The following FCF1 variants were observed in gnomAD, a reference collection of about 807,000 sequenced individuals.
FCF1 encodes the protein FCF1 rRNA-processing protein.
In FCF1, 17 loss-of-function variants were observed where a neutral mutation model predicts 32.5. That is an observed-to-expected ratio of 0.52 (90% CI 0.36 to 0.78). The LOEUF is 0.78. Ranked by LOEUF, FCF1 falls within the 30% of genes least tolerant of loss-of-function variation. The probability of loss-of-function intolerance (pLI) is 0.00; values close to 1 mark genes in which losing one functional copy is unlikely to be tolerated. For synonymous variants in FCF1, 84 were observed against 78.4 expected (o/e 1.07, Z -0.38); for missense variants, 201 against 241.1 (o/e 0.83, Z 1.10).
rs1594794446 is a variant in FCF1 at position 74,735,123 on chromosome 14, C to T, written c.*193C>T. On this transcript the variant is annotated 3_prime_UTR_variant, in exon 8 of 8. Coordinates refer to ENST00000341162, the MANE Select transcript of FCF1 (RefSeq NM_015962.5). ...CTGAACCCTGAACAGAGTTAAGTTA[C>T]CTTTTAAGCATTTTGTGGGGCCGCG... The T allele has an allele frequency of 6.0e-6, 3 of 501,564 alleles. No homozygotes were observed. In the East Asian group the frequency reaches 1.0e-4, roughly 17 times the overall value. 31.1% of individuals were successfully genotyped at this position (501,564 alleles called of 1,614,324 possible).
chr14:74,717,936 G>T (rs542629097), intron 4 of FCF1, among the ~76,000 whole-genome samples: 1 of 152,074 alleles, frequency 6.6e-6, no homozygotes, highest in Non-Finnish European at 1.5e-5. Context: ...GTGCGTTGGC[G>T]TGATCTCAGC....
At chr14:74,734,615 G>A (rs2090682146) in intron 7 of FCF1, among the ~76,000 whole-genome samples, 1 of 152,118 alleles carries the variant, frequency 6.6e-6, no homozygotes, top group Admixed American at 6.5e-5. Context: ...CAATGTGGTG[G>A]GAAGTCTGTG....
At chr14:74,734,743 A>G (rs2090684249) in intron 7 of FCF1, 139 bp from the exon 8 acceptor site, 1 of 696,274 alleles carries the variant, frequency 1.4e-6, no homozygotes, top group South Asian at 1.7e-5. Context: ...ATCATTCATT[A>G]TGATGTTCCC....
Position 74,714,959 on chromosome 14 carries a change from T to C in FCF1, c.143+16T>C, listed in dbSNP as rs371163318. ...AAAGAGAAGTGTGAGTAATCAAACGTTTGAAGTTTTCCTTTAAAACCATAG... is the reference window on the plus strand; with the variant it reads ...AAAGAGAAGTGTGAGTAATCAAACGCTTGAAGTTTTCCTTTAAAACCATAG... On this transcript the variant is annotated intron_variant, in intron 3 of 7. Coordinates refer to ENST00000341162, the MANE Select transcript of FCF1 (RefSeq NM_015962.5). The C allele has an allele frequency of 6.3e-7, 1 of 1,575,970 alleles. No homozygotes were observed. Among genetic ancestry groups the C allele is most frequent in the Non-Finnish European group, 8.6e-7 (1 of 1,167,556 alleles).
rs2090655517 is a variant in FCF1, at chr14:74,732,732, A to G, written c.367A>G (p.Ile123Val). The change falls in exon 6 of 8, where the codon ATT (isoleucine) becomes GTT (valine). Residue 123 changes from isoleucine to valine, a missense_variant and splice_region_variant. By Grantham distance (29) the Ile-to-Val change is conservative (BLOSUM62 3). Around this residue, in one of 3 missense-constraint regions of FCF1, gnomAD observed 121 missense variants for 147.8 expected, o/e 0.82. Coordinates refer to ENST00000341162, the MANE Select transcript of FCF1 (RefSeq NM_015962.5). The part of the protein sequence containing the change: ...LGQKYRVALR[I>V]AKDPRFERLP... The stretch of plus-strand genomic sequence containing the variant: ...ATGTTTTCTTTAATCCACCTACAGG[A>G]TTGCCAAGGATCCAAGATTTGAACG... 1 of 1,608,432 alleles carries G rather than the reference A, an allele frequency of 6.2e-7. No homozygotes were observed. The highest frequency in any genetic ancestry group is 8.5e-7 in the Non-Finnish European group (1 of 1,175,848).
In FCF1 at chr14:74,719,061, C is replaced by G. The variant is rs573938371; in HGVS notation, c.292+2962C>G. Among the ~76,000 whole-genome samples the G allele has an allele frequency of 2.1e-5, 3 of 141,080 alleles. No homozygotes were observed. The South Asian group carries it at 6.5e-4, about 30-fold the overall frequency. 92.6% of individuals were successfully genotyped at this position (141,080 alleles called of 152,430 possible). The stretch of plus-strand genomic sequence containing the variant: ...AAGAGAATCTCTGGAACCTGGGAGG[C>G]AGAGGCTACAGTGAGCCGAGATCGT... On this transcript the variant is annotated intron_variant, in intron 4 of 7. Transcript: ENST00000341162.
intron 5 of FCF1, among the ~76,000 whole-genome samples, chr14:74,729,832 A>C (rs1026480517): frequency 1.2e-3 from 177 of 151,932 alleles, no homozygotes; most frequent in African/African-American, 4.1e-3. Flanking sequence ...CAAAGAACAT[A>C]TTTATTTCTG....
intron 4 of FCF1, among the ~76,000 whole-genome samples, chr14:74,722,264 T>C (rs1365233090): frequency 6.6e-5 from 10 of 152,026 alleles, no homozygotes; most frequent in Non-Finnish European, 1.5e-4. Flanking sequence ...GCCAGGCTGG[T>C]CTCGAACTCC....
At chr14:74,713,351 A>G in intron 1 of FCF1, 134 bp from the exon 2 acceptor site, 7 of 1,570,782 alleles carry the variant, frequency 4.5e-6, no homozygotes, top group Non-Finnish European at 6.1e-6. Flanking sequence ...GGTGACTGTT[A>G]TGCTTTACAG....
intron 4 of FCF1, among the ~76,000 whole-genome samples, chr14:74,719,977 A>G (rs186249865): frequency 6.6e-6 from 1 of 152,264 alleles, no homozygotes; most frequent in African/African-American, 2.4e-5. Flanking sequence ...TGTCTCTACT[A>G]AAAATCCAAA....
chr14:74,714,694 T>C (rs2090390063), intron 2 of FCF1, among the ~76,000 whole-genome samples, 178 bp from the exon 3 acceptor site: 1 of 152,070 alleles, frequency 6.6e-6, no homozygotes, highest in Non-Finnish European at 1.5e-5. Context: ...CCAGGTACTG[T>C]GCTTTGCACT....
Position 74,716,057 on chromosome 14 carries a change from C to G in FCF1, c.250C>G (p.Leu84Val), listed in dbSNP as rs141050108. 3.7e-6 allele frequency: 6 copies of G among 1,613,986 alleles called. No individual in the cohort carries two copies. The Admixed American group carries it at 8.3e-5, about 22-fold the overall frequency. Reference protein sequence around the residue: ...NFINFSIKAKLDLVQSMMDCL... With the variant: ...NFINFSIKAKVDLVQSMMDCL... Reference sequence around the variant, plus strand: ...TATCAACTTTTCCATAAAAGCCAAACTGGACTTAGTGCAGTCAATGATGGA... The same window carrying G: ...TATCAACTTTTCCATAAAAGCCAAAGTGGACTTAGTGCAGTCAATGATGGA... Residue 84 changes from leucine to valine, a missense_variant, in exon 4 of 8, where the codon CTG becomes GTG. Coordinates refer to ENST00000341162, the MANE Select transcript of FCF1 (RefSeq NM_015962.5).
At chr14:74,725,821 AGCTG>A (rs1338420913) in intron 5 of FCF1, among the ~76,000 whole-genome samples, 13 of 152,030 alleles carry the variant, frequency 8.6e-5, no homozygotes, top group African/African-American at 3.1e-4. Flanking sequence ...TGGTAGTCCC[AGCTG>A]CTGGGGAGGC....
intron 5 of FCF1, among the ~76,000 whole-genome samples, chr14:74,724,762 A>G (rs1162452221): frequency 1.3e-5 from 2 of 152,060 alleles, no homozygotes; most frequent in African/African-American, 4.8e-5. Flanking sequence ...AAAATTAACC[A>G]GGTGTGGTGG....
chr14:74,732,468 A>C (rs1594792526), intron 5 of FCF1, among the ~76,000 whole-genome samples: 3 of 152,206 alleles, frequency 2.0e-5, no homozygotes, highest in Admixed American at 2.0e-4. Flanking sequence ...TGAATGAAGT[A>C]ATTTAATCTC....
intron 6 of FCF1, among the ~76,000 whole-genome samples, chr14:74,733,439 T>G (rs1427669275): frequency 6.6e-6 from 1 of 152,170 alleles, no homozygotes; most frequent in Non-Finnish European, 1.5e-5. Context: ...GGGGCCAGTA[T>G]TTCCCACAGC....
intron 5 of FCF1, among the ~76,000 whole-genome samples, chr14:74,726,756 C>T (rs2090582530): frequency 6.6e-6 from 1 of 151,852 alleles, no homozygotes; most frequent in Non-Finnish European, 1.5e-5. Flanking sequence ...TCCCTCCCTC[C>T]TCCCCCCACC....
Position 74,717,392 on chromosome 14 carries a change from C to T in FCF1, c.292+1293C>T, listed in dbSNP as rs76518670. Among the ~76,000 whole-genome samples the T allele has an allele frequency of 2.5e-3, 381 of 151,496 alleles. 7 individuals are homozygous for T. In the East Asian group the frequency reaches 0.049, roughly 20 times the overall value. On this transcript the variant is annotated intron_variant, in intron 4 of 7. Transcript: ENST00000341162. ...GCTGCATACATTTATTAGCTGCATA[C>T]GTTTATTAAGATGTGAAGGTAGCCA...
chr14:74,716,204 G>A (rs1324884124), intron 4 of FCF1, 105 bp downstream of exon 4: 2 of 1,115,806 alleles, frequency 1.8e-6, no homozygotes, highest in Admixed American at 1.9e-5. Context: ...TGAATTGCTG[G>A]CCATTTAATT....
Sources: gnomAD v4.1 joint callset for allele counts (sites outside exome capture counted in the v4.1 genomes callset) on GRCh38, gnomAD v4.1.1 for gene constraint, gnomAD v4.1.1 regional missense constraint, MANE v1.5 for transcripts, NCBI Gene and HGNC (gene_info 2026-07-23, HGNC 2026-07-21) for gene names.